MRAP2: variants seen among roughly 807,000 people sequenced by gnomAD.
The protein encoded by MRAP2 is melanocortin-2 receptor accessory protein 2.
MRAP2 carries 20 observed loss-of-function variants against 17.4 expected under a neutral mutation model. That is an observed-to-expected ratio of 1.15 (90% CI 0.81 to 1.67). The LOEUF is 1.67. MRAP2 is among the 40% of genes most tolerant of loss of function. The pLI is 0.00. For synonymous variants in MRAP2, 96 were observed against 88.4 expected (o/e 1.09, Z -0.48); for missense variants, 238 against 240.0 (o/e 0.99, Z 0.05).
At chr6:84,064,701 A>G (rs941994063) in intron 3 of MRAP2, among the ~76,000 whole-genome samples, 5 of 152,058 alleles carry the variant, frequency 3.3e-5, no homozygotes, top group African/African-American at 7.2e-5. Flanking sequence ...GTTAGCCAGG[A>G]TGGTCTCGAT....
At chr6:84,038,196 G>T (rs1034971254) in intron 1 of MRAP2, among the ~76,000 whole-genome samples, 1 of 152,248 alleles carries the variant, frequency 6.6e-6, no homozygotes, top group African/African-American at 2.4e-5. Context: ...AAGTAGGAAT[G>T]AGCAGCCAGC....
chr6:84,062,127 A>G lies in MRAP2; in HGVS notation c.128-766A>G, dbSNP rs144302815. The G allele has an allele frequency of 6.0e-5, 59 of 985,410 alleles. 1 individual carries two copies. In the East Asian group the frequency reaches 2.4e-3, roughly 40 times the overall value. 61.0% of individuals were successfully genotyped at this position (985,410 alleles called of 1,614,324 possible). ...CTAACCAATTGAGTTGTTAAACTAAAATTTGGCCCAAGAAGGCCTCCATTA... is the reference window on the plus strand; with the variant it reads ...CTAACCAATTGAGTTGTTAAACTAAGATTTGGCCCAAGAAGGCCTCCATTA... On this transcript the variant is annotated intron_variant, in intron 2 of 3. Coordinates refer to ENST00000257776, the MANE Select transcript of MRAP2 (RefSeq NM_138409.4).
At chr6:84,124,070 G>A in the MRAP2 span, among the ~76,000 whole-genome samples, 1 of 151,970 alleles carries the variant, frequency 6.6e-6, no homozygotes, top group Non-Finnish European at 1.5e-5. Context: ...ACAGATGATG[G>A]TGTCAATGTG....
intron 3 of MRAP2, among the ~76,000 whole-genome samples, chr6:84,077,213 C>T (rs1211502671): frequency 6.6e-6 from 1 of 152,184 alleles, no homozygotes; most frequent in African/African-American, 2.4e-5. Context: ...GGCAAGAGCA[C>T]AGAGGAGGGA....
the MRAP2 span, among the ~76,000 whole-genome samples, chr6:84,141,483 A>G: frequency 1.3e-5 from 2 of 152,138 alleles, no homozygotes; most frequent in Non-Finnish European, 2.9e-5. Context: ...TTGATCTACC[A>G]GAAGATCTTC....
the MRAP2 span, among the ~76,000 whole-genome samples, chr6:84,140,763 G>T: frequency 6.6e-6 from 1 of 152,098 alleles, no homozygotes; most frequent in Non-Finnish European, 1.5e-5. Context: ...GGCCTTGGGA[G>T]ATCCTCTCAC....
the MRAP2 span, among the ~76,000 whole-genome samples, chr6:84,134,598 G>A: frequency 6.6e-6 from 1 of 152,112 alleles, no homozygotes; most frequent in Non-Finnish European, 1.5e-5. Flanking sequence ...GGCTAGGGGA[G>A]GGAGTTCCCC....
At chr6:84,073,274 C>G (rs893680912) in intron 3 of MRAP2, among the ~76,000 whole-genome samples, 1 of 152,174 alleles carries the variant, frequency 6.6e-6, no homozygotes, top group Non-Finnish European at 1.5e-5. Flanking sequence ...TCTTCCTCTA[C>G]CCCTGTATTT....
the MRAP2 span, among the ~76,000 whole-genome samples, chr6:84,099,472 T>C: frequency 2.0e-5 from 3 of 152,166 alleles, no homozygotes; most frequent in Non-Finnish European, 2.9e-5. Flanking sequence ...AAATGTAACC[T>C]CCGATGTTGG....
At chr6:84,091,086 A>T (rs544329066), downstream of MRAP2, among the ~76,000 whole-genome samples, 1 of 152,296 alleles carries the variant, frequency 6.6e-6, no homozygotes, top group Non-Finnish European at 1.5e-5. Flanking sequence ...ATTTTAAAGA[A>T]AATATCATTC....
intron 1 of MRAP2, among the ~76,000 whole-genome samples, chr6:84,046,339 A>C (rs1646150972): frequency 2.0e-5 from 3 of 152,194 alleles, no homozygotes; most frequent in Non-Finnish European, 2.9e-5. Flanking sequence ...TAATGAAATT[A>C]GGGTGCTTCC....
chr6:84,096,164 T>C, the MRAP2 span, among the ~76,000 whole-genome samples: 1 of 152,112 alleles, frequency 6.6e-6, no homozygotes, highest in East Asian at 1.9e-4. Flanking sequence ...TTTTTCTCCA[T>C]CCCTCGTCTA....
At chr6:84,129,088 T>C in the MRAP2 span, among the ~76,000 whole-genome samples, 1 of 152,332 alleles carries the variant, frequency 6.6e-6, no homozygotes, top group Non-Finnish European at 1.5e-5. Flanking sequence ...ATCCAATCTA[T>C]CATTGATGGG....
the MRAP2 span, among the ~76,000 whole-genome samples, chr6:84,097,714 T>C: frequency 6.6e-6 from 1 of 152,228 alleles, no homozygotes; most frequent in East Asian, 1.9e-4. Context: ...GATTTGCATC[T>C]ATTGTTTAAT....
the MRAP2 span, among the ~76,000 whole-genome samples, chr6:84,137,374 C>T: frequency 6.6e-6 from 1 of 150,400 alleles, no homozygotes; most frequent in East Asian, 1.9e-4. Flanking sequence ...TATGATCATT[C>T]CACTATCTGT....
chr6:84,043,670 G>A (rs1394701641), intron 1 of MRAP2, among the ~76,000 whole-genome samples: 10 of 151,790 alleles, frequency 6.6e-5, no homozygotes, highest in Non-Finnish European at 1.3e-4. Flanking sequence ...AGGGGTGTGG[G>A]GTGAGTGGGT....
At chr6:84,125,424 T>C in the MRAP2 span, 3 of 687,528 alleles carry the variant, frequency 4.4e-6, no homozygotes, top group Non-Finnish European at 7.6e-6. Flanking sequence ...TTTTCTGTCT[T>C]CAAGGAGTAT....
chr6:84,081,314 G>C (rs1302592783), intron 3 of MRAP2, among the ~76,000 whole-genome samples: 4 of 152,204 alleles, frequency 2.6e-5, no homozygotes, highest in African/African-American at 9.7e-5. Flanking sequence ...TTCTCATCCT[G>C]GTTTGCAGTT....
At chr6:84,072,055 T>A (rs2099496327) in intron 3 of MRAP2, among the ~76,000 whole-genome samples, 1 of 152,208 alleles carries the variant, frequency 6.6e-6, no homozygotes, top group African/African-American at 2.4e-5. Context: ...ATAACTAACC[T>A]CCCAAATTCT....
Sources: allele counts gnomAD v4.1 joint callset (sites outside exome capture counted in the v4.1 genomes callset), GRCh38; gene constraint gnomAD v4.1.1; transcripts MANE v1.5; gene names NCBI Gene and HGNC (gene_info 2026-07-23, HGNC 2026-07-21).